The following BRD10 variants were observed in gnomAD, a reference collection of about 807,000 sequenced individuals.
BRD10 encodes uncharacterized bromodomain-containing protein 10.
chr9:5,992,359 A>C, the BRD10 span, among the ~76,000 whole-genome samples: 1 of 152,236 alleles, frequency 6.6e-6, no homozygotes, highest in Non-Finnish European at 1.5e-5. Flanking sequence ...AGGTTTAAAA[A>C]TTCCAGTCAT....
At chr9:5,948,879 G>A in the BRD10 span, among the ~76,000 whole-genome samples, 44 of 152,194 alleles carry the variant, frequency 2.9e-4, no homozygotes, top group Middle Eastern at 3.4e-3. Flanking sequence ...AATGGCATCT[G>A]CTAAAACTAT....
At chr9:5,959,599 AT>A in the BRD10 span, among the ~76,000 whole-genome samples, 1 of 152,170 alleles carries the variant, frequency 6.6e-6, no homozygotes, top group African/African-American at 2.4e-5. Context: ...CTCTCTTTAT[AT>A]TTTGAAATCT....
chr9:5,944,915 T>A, the BRD10 span: 20 of 1,546,846 alleles, frequency 1.3e-5, no homozygotes, highest in Non-Finnish European at 1.7e-5. Context: ...TCATTCTCGA[T>A]TTTTGTGATT....
At chr9:5,934,042 G>C in the BRD10 span, among the ~76,000 whole-genome samples, 1 of 151,984 alleles carries the variant, frequency 6.6e-6, no homozygotes, top group African/African-American at 2.4e-5. Context: ...GATTTTTCTT[G>C]TAATATTATA....
chr9:5,957,499 A>G, the BRD10 span, among the ~76,000 whole-genome samples: 20 of 152,186 alleles, frequency 1.3e-4, no homozygotes, highest in Non-Finnish European at 2.4e-4. Context: ...CAGGCTATAA[A>G]CAGGTAAAGA....
the BRD10 span, among the ~76,000 whole-genome samples, chr9:6,003,837 G>C: frequency 2.0e-5 from 3 of 151,974 alleles, no homozygotes; most frequent in Non-Finnish European, 4.4e-5. Flanking sequence ...ATCACAAAAA[G>C]CAAACAAAAA....
the BRD10 span, among the ~76,000 whole-genome samples, chr9:5,986,673 G>A: frequency 2.6e-5 from 4 of 152,014 alleles, no homozygotes; most frequent in African/African-American, 7.2e-5. Context: ...AATTTAAAAC[G>A]TTAACACTAA....
chr9:5,941,070 C>G, the BRD10 span, among the ~76,000 whole-genome samples: 1,111 of 151,978 alleles, frequency 7.3e-3, 14 homozygotes, highest in African/African-American at 0.026. Flanking sequence ...AAAATCAGAA[C>G]TATGATACAG....
chr9:5,885,401 A>C, the BRD10 span, among the ~76,000 whole-genome samples: 4 of 143,554 alleles, frequency 2.8e-5, no homozygotes, highest in Admixed American at 7.0e-5. Context: ...TTTCAGTTTC[A>C]CTCTCGTTGC....
the BRD10 span, chr9:5,922,429 A>C: frequency 1.4e-5 from 23 of 1,614,018 alleles, no homozygotes; most frequent in Middle Eastern, 1.6e-4. Flanking sequence ...CAGAGGTTAC[A>C]GGCGACAAAG....
At chr9:5,945,031 T>A in the BRD10 span, 1 of 664,834 alleles carries the variant, frequency 1.5e-6, no homozygotes, top group Non-Finnish European at 2.5e-6. Flanking sequence ...TAACAGAAGT[T>A]GTTTTAACAC....
At chr9:5,920,819 G>A in the BRD10 span, 1 of 1,613,966 alleles carries the variant, frequency 6.2e-7, no homozygotes, top group Non-Finnish European at 8.5e-7. Context: ...TGGTTGTGTA[G>A]TTGAAATCAG....
chr9:5,882,310 TG>T, the BRD10 span, among the ~76,000 whole-genome samples: 5 of 152,298 alleles, frequency 3.3e-5, no homozygotes, highest in African/African-American at 9.6e-5. Context: ...TTAGCCTTGA[TG>T]GGGTGTTAAA....
At chr9:5,951,578 GAACAA>G in the BRD10 span, among the ~76,000 whole-genome samples, 2 of 152,058 alleles carry the variant, frequency 1.3e-5, no homozygotes, top group East Asian at 1.9e-4. Context: ...AAAACACCTT[GAACAA>G]AACAAATAAT....
the BRD10 span, among the ~76,000 whole-genome samples, chr9:5,987,059 G>A: frequency 1.3e-5 from 2 of 152,160 alleles, no homozygotes; most frequent in East Asian, 3.9e-4. Context: ...AAAACTGTAT[G>A]ACCTTGGGCA....
the BRD10 span, among the ~76,000 whole-genome samples, chr9:5,952,803 G>C: frequency 6.6e-6 from 1 of 152,160 alleles, no homozygotes; most frequent in South Asian, 2.1e-4. Context: ...GTGGACGCGT[G>C]ATGATGTAAT....
At chr9:5,928,255 C>T in the BRD10 span, among the ~76,000 whole-genome samples, 7 of 152,164 alleles carry the variant, frequency 4.6e-5, no homozygotes, top group Non-Finnish European at 8.8e-5. Flanking sequence ...ATCTGCACTG[C>T]TACTATCCTA....
chr9:5,908,535 A>G, the BRD10 span: 1 of 983,728 alleles, frequency 1.0e-6, no homozygotes, highest in Non-Finnish European at 1.6e-6. Flanking sequence ...TAGAAATTTC[A>G]GTCCACAGGG....
the BRD10 span, among the ~76,000 whole-genome samples, chr9:5,932,271 G>C: frequency 6.6e-6 from 1 of 151,728 alleles, no homozygotes; most frequent in Non-Finnish European, 1.5e-5. Flanking sequence ...GAAAAACAAA[G>C]AACAATGATC....
Sources: allele counts gnomAD v4.1 joint callset (sites outside exome capture counted in the v4.1 genomes callset), GRCh38; gene constraint gnomAD v4.1.1; transcripts MANE v1.5; gene names NCBI Gene and HGNC (gene_info 2026-07-23, HGNC 2026-07-21).